The following RBFOX1 variants were observed in gnomAD, a reference collection of about 807,000 sequenced individuals.
RBFOX1 encodes the protein RNA binding fox-1 homolog 1.
In RBFOX1, 8 loss-of-function variants were observed where a neutral mutation model predicts 57.7. The observed-to-expected ratio is 0.14, with a 90% CI of 0.08 to 0.25. RBFOX1 has a LOEUF of 0.25. Ranked by LOEUF, RBFOX1 falls within the 10% of genes least tolerant of loss-of-function variation. RBFOX1 has a pLI of 1.00. For synonymous variants in RBFOX1, 326 were observed against 222.4 expected (o/e 1.47, Z -4.15); for missense variants, 611 against 548.5 (o/e 1.11, Z -1.14).
At chr16:7,158,014 G>T (rs2077495650) in intron 4 of RBFOX1, among the ~76,000 whole-genome samples, 1 of 152,136 alleles carries the variant, frequency 6.6e-6, no homozygotes, top group Admixed American at 6.5e-5. Flanking sequence ...AAAATTCTAT[G>T]TAGCTTTTAC....
intron 1 of RBFOX1, among the ~76,000 whole-genome samples, chr16:6,278,284 A>G (rs745874332): frequency 6.7e-6 from 1 of 148,166 alleles, no homozygotes; most frequent in Non-Finnish European, 1.5e-5. Flanking sequence ...GTGCTTTAAA[A>G]TCCTTCCTTT....
At chr16:5,843,863 G>C (rs922564310) in intron 3 of RBFOX1, among the ~76,000 whole-genome samples, 2 of 152,216 alleles carry the variant, frequency 1.3e-5, no homozygotes, top group Non-Finnish European at 2.9e-5. Flanking sequence ...GGAACAAGGA[G>C]AGAAGTATGC....
intron 1 of RBFOX1, among the ~76,000 whole-genome samples, chr16:6,215,375 G>C (rs1235632336): frequency 7.0e-6 from 1 of 142,806 alleles, no homozygotes; most frequent in African/African-American, 2.6e-5. Context: ...AAGGAGAAGG[G>C]GAGAGCAGGA....
At chr16:5,655,052 A>C (rs905290850) in intron 3 of RBFOX1, among the ~76,000 whole-genome samples, 2 of 152,196 alleles carry the variant, frequency 1.3e-5, no homozygotes, top group African/African-American at 4.8e-5. Flanking sequence ...GAGGACGCAC[A>C]CACTAGGGCG....
chr16:6,064,497 A>T (rs754095663), intron 1 of RBFOX1, among the ~76,000 whole-genome samples: 1 of 152,266 alleles, frequency 6.6e-6, no homozygotes, highest in South Asian at 2.1e-4. Context: ...ATCCATTCCC[A>T]CATTTTCTTT....
rs75564311 is a variant in RBFOX1, at chr16:5,952,641, G to A, written c.351+85306G>A. ...TACCATTATATTCTTCATCTGTATC[G>A]ATAGTGATGGGTGTAGCTGTAATTA... On this transcript the variant is annotated intron_variant, in intron 4 of 19. Coordinates refer to the RBFOX1 transcript ENST00000641259. Among the ~76,000 whole-genome samples the A allele has an allele frequency of 5.0e-3, 758 of 152,142 alleles. 5 individuals are homozygous for A. Among genetic ancestry groups the A allele is most frequent in the Middle Eastern group, 0.027 (8 of 294 alleles).
chr16:5,351,350 G>A (rs1235195114), intron 1 of RBFOX1, among the ~76,000 whole-genome samples: 3 of 152,176 alleles, frequency 2.0e-5, no homozygotes, highest in Non-Finnish European at 4.4e-5. Flanking sequence ...TACATTCACT[G>A]TACCCCCTTT....
At chr16:5,772,807 A>G (rs1216527704) in intron 3 of RBFOX1, among the ~76,000 whole-genome samples, 1 of 152,206 alleles carries the variant, frequency 6.6e-6, no homozygotes, top group Non-Finnish European at 1.5e-5. Context: ...CCTGGTGGAA[A>G]GGAATGAATA....
chr16:6,382,101 CA>C (rs1440315457), intron 2 of RBFOX1, among the ~76,000 whole-genome samples: 1 of 152,140 alleles, frequency 6.6e-6, no homozygotes, highest in Non-Finnish European at 1.5e-5. Context: ...GGCTGTGTTC[CA>C]ATAATACTTT....
intron 3 of RBFOX1, among the ~76,000 whole-genome samples, chr16:6,906,971 A>G (rs1042689382): frequency 6.6e-6 from 1 of 152,048 alleles, no homozygotes; most frequent in African/African-American, 2.4e-5. Flanking sequence ...TGATCAGCCC[A>G]CCTCAGCTTC....
intron 1 of RBFOX1, among the ~76,000 whole-genome samples, chr16:6,123,132 G>A (rs1240820549): frequency 6.6e-6 from 1 of 152,126 alleles, no homozygotes; most frequent in Non-Finnish European, 1.5e-5. Context: ...GCCTTATGAT[G>A]CAGCATTTCC....
chr16:6,965,764 T>C (rs2084001438), intron 3 of RBFOX1, among the ~76,000 whole-genome samples: 1 of 152,218 alleles, frequency 6.6e-6, no homozygotes, highest in Admixed American at 6.5e-5. Flanking sequence ...CCTGGGGTGC[T>C]TTCTCCATAG....
chr16:5,761,263 G>T (rs760857852), intron 3 of RBFOX1, among the ~76,000 whole-genome samples: 2 of 152,182 alleles, frequency 1.3e-5, no homozygotes, highest in African/African-American at 4.8e-5. Flanking sequence ...TATAGAAGCA[G>T]AAAGGTGGGA....
intron 13 of RBFOX1, among the ~76,000 whole-genome samples, chr16:7,665,921 T>C (rs959748428): frequency 6.6e-6 from 1 of 152,242 alleles, no homozygotes; most frequent in Non-Finnish European, 1.5e-5. Flanking sequence ...TTTTGAGATA[T>C]AGTATGTATC....
In RBFOX1 at chr16:7,051,767, A is replaced by G. The variant is rs554100861; in HGVS notation, c.-15-290A>G. The stretch of plus-strand genomic sequence containing the variant: ...GAAAAGGGTGGGGAGTTTCATGACA[A>G]GAGGGGAGGTGCCCTCATCCCAGGC... On this transcript the variant is annotated intron_variant, in intron 3 of 15. Transcript: ENST00000550418. 9.2e-5 allele frequency among the ~76,000 whole-genome samples: 14 copies of G among 152,208 alleles called. 1 individual carries two copies. Among genetic ancestry groups the G allele is most frequent in the African/African-American group, 3.4e-4 (14 of 41,546 alleles).
At chr16:6,937,458 A>G (rs1217927516) in intron 3 of RBFOX1, among the ~76,000 whole-genome samples, 2 of 152,088 alleles carry the variant, frequency 1.3e-5, no homozygotes, top group Non-Finnish European at 2.9e-5. Flanking sequence ...AAAGAGTCAA[A>G]CTCTGTAAAA....
intron 1 of RBFOX1, among the ~76,000 whole-genome samples, chr16:5,274,688 G>A (rs2063098957): frequency 6.6e-6 from 1 of 152,196 alleles, no homozygotes; most frequent in South Asian, 2.1e-4. Context: ...TCACTTATTA[G>A]TGGATGGGTT....
intron 5 of RBFOX1, among the ~76,000 whole-genome samples, chr16:7,522,688 G>A (rs1167518905): frequency 3.3e-5 from 5 of 152,150 alleles, no homozygotes; most frequent in South Asian, 2.1e-4. Context: ...AGGTCCCTAC[G>A]TGGGGCACAA....
At chr16:7,541,494 G>C (rs1458176981) in intron 5 of RBFOX1, among the ~76,000 whole-genome samples, 1 of 151,756 alleles carries the variant, frequency 6.6e-6, no homozygotes, top group Non-Finnish European at 1.5e-5. Context: ...ATCTCACTCA[G>C]AGTGAATTCA....
Sources: gnomAD v4.1 joint callset for allele counts (sites outside exome capture counted in the v4.1 genomes callset) on GRCh38, gnomAD v4.1.1 for gene constraint, MANE v1.5 for transcripts, NCBI Gene and HGNC (gene_info 2026-07-23, HGNC 2026-07-21) for gene names.